The following STXBP4 variants were observed in gnomAD, a reference collection of about 807,000 sequenced individuals.
STXBP4 encodes the protein syntaxin binding protein 4.
STXBP4 carries 55 observed loss-of-function variants against 76.1 expected under a neutral mutation model. The ratio of observed to expected loss-of-function variants is 0.72; its 90% confidence interval spans 0.58 to 0.91. The LOEUF (loss-of-function observed/expected upper bound fraction) is 0.91, where lower values mean the gene tolerates loss of function less well. STXBP4 is among the 40% of genes least tolerant of loss of function. The probability of loss-of-function intolerance (pLI) is 0.00; values close to 1 mark genes in which losing one functional copy is unlikely to be tolerated. For missense variants in STXBP4, 618 were observed against 636.9 expected, an observed-to-expected ratio of 0.97 and a Z score of 0.32; for synonymous variants, 201 against 220.2, an observed-to-expected ratio of 0.91 and a Z score of 0.77.
At chr17:55,008,505 C>T (rs757988086) in intron 8 of STXBP4, among the ~76,000 whole-genome samples, 21 of 151,914 alleles carry the variant, frequency 1.4e-4, no homozygotes, top group Admixed American at 9.2e-4. Flanking sequence ...GACAGATTAA[C>T]GAGAAAATAG....
Position 55,007,565 on chromosome 17 carries a change from T to C in STXBP4, c.634T>C (p.Ser212Pro). The change falls in exon 8 of 18, where the codon TCT (serine) becomes CCT (proline). Residue 212 changes from serine to proline, a missense_variant. Coordinates refer to ENST00000376352, the MANE Select transcript of STXBP4 (RefSeq NM_178509.6). ...ACAAGAAAAGATCTCCCTAAATCCCTCTGTTCGCTTTAAGGCAGAGAAACT... is the reference window on the plus strand; with the variant it reads ...ACAAGAAAAGATCTCCCTAAATCCCCCTGTTCGCTTTAAGGCAGAGAAACT... ...GLQEKISLNP[S>P]VRFKAEKLEM... The C allele has an allele frequency of 6.2e-7, 1 of 1,606,752 alleles. No homozygotes were observed. Among genetic ancestry groups the C allele is most frequent in the South Asian group, 1.1e-5 (1 of 88,818 alleles).
chr17:55,051,669 G>A (rs2078861113), intron 12 of STXBP4, among the ~76,000 whole-genome samples: 3 of 152,068 alleles, frequency 2.0e-5, no homozygotes, highest in Admixed American at 2.0e-4. Context: ...GAAGTGGGAG[G>A]ATGGCTTGAG....
intron 6 of STXBP4, chr17:55,000,246 G>A: frequency 1.0e-6 from 1 of 985,280 alleles, no homozygotes; most frequent in Non-Finnish European, 1.2e-6. Flanking sequence ...GCTAATCCCA[G>A]GCATCCAATC....
intron 16 of STXBP4, among the ~76,000 whole-genome samples, chr17:55,099,571 T>C (rs751394165): frequency 6.6e-6 from 1 of 152,210 alleles, no homozygotes; most frequent in Non-Finnish European, 1.5e-5. Flanking sequence ...TACAGTATTA[T>C]TATCCTATGG....
intron 8 of STXBP4, among the ~76,000 whole-genome samples, chr17:55,007,946 A>G (rs1205714159): frequency 2.0e-5 from 3 of 152,240 alleles, no homozygotes; most frequent in African/African-American, 2.4e-5. Context: ...ATGGCAATAA[A>G]CACAATCAAG....
intron 8 of STXBP4, among the ~76,000 whole-genome samples, chr17:55,014,579 G>T (rs1373443676): frequency 6.6e-6 from 1 of 152,046 alleles, no homozygotes; most frequent in African/African-American, 2.4e-5. Flanking sequence ...TAACCTCCTG[G>T]CCCTTAATGG....
intron 4 of STXBP4, among the ~76,000 whole-genome samples, chr17:54,998,303 A>G (rs1279900826): frequency 6.6e-6 from 1 of 152,238 alleles, no homozygotes; most frequent in African/African-American, 2.4e-5. Flanking sequence ...CTTTTTAACC[A>G]TATAAGCTTT....
At chr17:55,096,637 A>C (rs1471558192) in intron 16 of STXBP4, among the ~76,000 whole-genome samples, 1 of 150,202 alleles carries the variant, frequency 6.7e-6, no homozygotes, top group Non-Finnish European at 1.5e-5. Flanking sequence ...AAGAATAAGC[A>C]TTTGTTACTG....
intron 8 of STXBP4, among the ~76,000 whole-genome samples, chr17:55,020,001 T>C (rs767929421): frequency 2.8e-4 from 42 of 152,218 alleles, no homozygotes; most frequent in Non-Finnish European, 5.3e-4. Context: ...TGATTTCTCT[T>C]ATGTTAGCCT....
At chr17:55,136,106 A>G (rs1490928769) in intron 16 of STXBP4, among the ~76,000 whole-genome samples, 1 of 152,184 alleles carries the variant, frequency 6.6e-6, no homozygotes, top group Non-Finnish European at 1.5e-5. Context: ...GTGATGTACA[A>G]TGAATTAATA....
At chr17:55,114,687 A>G (rs926247212) in intron 16 of STXBP4, among the ~76,000 whole-genome samples, 1 of 152,022 alleles carries the variant, frequency 6.6e-6, no homozygotes, top group Non-Finnish European at 1.5e-5. Context: ...AAGGAAGATC[A>G]TCTTGTTAGC....
rs2080404662 is a variant in STXBP4, at chr17:55,171,237, T to C, written c.*11326T>C. On this transcript the variant is annotated 3_prime_UTR_variant, in exon 18 of 18. Transcript: ENST00000376352. ...TCTACCACAAAACATCAGGTGTGCC[T>C]CTGAATAGTCTTTGCAAGAAGCACA... 6.6e-6 allele frequency: 1 copy of C among 152,164 alleles called. No homozygotes were observed. The highest frequency in any genetic ancestry group is 2.4e-5 in the African/African-American group (1 of 41,432). 9.4% of individuals were successfully genotyped at this position (152,164 alleles called of 1,614,324 possible).
At chr17:55,201,685 G>A in the STXBP4 span, among the ~76,000 whole-genome samples, 5 of 152,208 alleles carry the variant, frequency 3.3e-5, no homozygotes, top group Non-Finnish European at 5.9e-5. Context: ...CAAAGGAAAT[G>A]TTCACAGCAA....
At chr17:55,151,094 C>T (rs1429942315) in intron 17 of STXBP4, among the ~76,000 whole-genome samples, 1 of 152,176 alleles carries the variant, frequency 6.6e-6, no homozygotes, top group East Asian at 1.9e-4. Flanking sequence ...GAAACAAATT[C>T]TCCTCTAGAG....
At chr17:55,033,235 A>G (rs888380371) in intron 9 of STXBP4, among the ~76,000 whole-genome samples, 2 of 151,894 alleles carry the variant, frequency 1.3e-5, no homozygotes, top group African/African-American at 2.4e-5. Context: ...TCAGCTGGGC[A>G]TGGTGGTGCA....
chr17:55,173,387 G>A lies in STXBP4; in HGVS notation c.*13476G>A, dbSNP rs980803204. The A allele has an allele frequency of 2.5e-4, 38 of 152,066 alleles. No homozygotes were observed. The highest frequency in any genetic ancestry group is 2.3e-3 in the Admixed American group (35 of 15,262). 9.4% of individuals were successfully genotyped at this position (152,066 alleles called of 1,614,324 possible). Reference sequence around the variant, plus strand: ...CTCTATTCTCCGTAACTGTAGTTTTGCCTTTTCGAGAATATCATATAAATA... The same window carrying A: ...CTCTATTCTCCGTAACTGTAGTTTTACCTTTTCGAGAATATCATATAAATA... On this transcript the variant is annotated 3_prime_UTR_variant, in exon 18 of 18. Transcript: ENST00000376352.
chr17:54,990,578 A>G (rs1472707472), intron 3 of STXBP4, among the ~76,000 whole-genome samples: 1 of 152,152 alleles, frequency 6.6e-6, no homozygotes, highest in Non-Finnish European at 1.5e-5. Flanking sequence ...ATATATTACA[A>G]TGTAATAATA....
At chr17:55,132,295 G>T (rs934014728) in intron 16 of STXBP4, among the ~76,000 whole-genome samples, 6 of 152,130 alleles carry the variant, frequency 3.9e-5, no homozygotes, top group African/African-American at 1.4e-4. Context: ...GGTTCAAGCA[G>T]TTCTTCTGCC....
rs1398659690 is a variant in STXBP4, at chr17:55,162,547, C to G, written c.*2636C>G. ...AAGTAGAACAATTGCTAATCATTTC[C>G]TGGGTTCCACTTACTCTTGATTTAA... On this transcript the variant is annotated 3_prime_UTR_variant, in exon 18 of 18. Transcript: ENST00000376352. The G allele has an allele frequency of 1.4e-5, 2 of 144,160 alleles. No homozygotes were observed. Among genetic ancestry groups the G allele is most frequent in the Non-Finnish European group, 3.0e-5 (2 of 66,590 alleles). The allele number at this position is 144,160 out of a possible 1,614,324, so 8.9% of individuals were successfully genotyped here.
Sources: allele counts gnomAD v4.1 joint callset (sites outside exome capture counted in the v4.1 genomes callset), GRCh38; gene constraint gnomAD v4.1.1; transcripts MANE v1.5; gene names NCBI Gene and HGNC (gene_info 2026-07-23, HGNC 2026-07-21).